Variants in VCAN observed in about 807,000 individuals in gnomAD.
VCAN encodes versican core protein.
Under a neutral mutation model 245.5 loss-of-function variants are expected in VCAN, and 44 were observed. The ratio of observed to expected loss-of-function variants is 0.18; its 90% CI spans 0.14 to 0.23. The LOEUF (loss-of-function observed/expected upper bound fraction) is 0.23, where lower values mean the gene tolerates loss of function less well. Among genes scored for constraint, VCAN ranks in the 10% least tolerant of loss-of-function variants. The pLI is 1.00. For synonymous variants in VCAN, 1,413 were observed against 1,437.0 expected (o/e 0.98, Z 0.38); for missense variants, 3,793 against 4,057.9 (o/e 0.93, Z 1.77).
rs907981924 is a variant in VCAN, at chr5:83,581,260, A to G, written c.*826A>G. The stretch of plus-strand genomic sequence containing the variant: ...AACTCATAAGGTTACCGATCAATGC[A>G]TTTCATACGGATATAGACCTAGGGC... On this transcript the variant is annotated 3_prime_UTR_variant, in exon 15 of 15. Coordinates refer to ENST00000265077, the MANE Select transcript of VCAN (RefSeq NM_004385.5). 1.3e-5 allele frequency: 2 copies of G among 148,548 alleles called. No homozygotes were observed. The highest frequency in any genetic ancestry group is 2.5e-5 in the African/African-American group (1 of 39,628). 9.2% of individuals were successfully genotyped at this position (148,548 alleles called of 1,614,324 possible).
At chr5:83,565,017 TAGAG>T (rs933752857) in intron 12 of VCAN, among the ~76,000 whole-genome samples, 1 of 152,152 alleles carries the variant, frequency 6.6e-6, no homozygotes, top group African/African-American at 2.4e-5. Context: ...TATGGATAGA[TAGAG>T]AGAGAGAGTT....
At chr5:83,568,670 T>C (rs1443989769) in intron 12 of VCAN, among the ~76,000 whole-genome samples, 2 of 152,136 alleles carry the variant, frequency 1.3e-5, no homozygotes, top group African/African-American at 4.8e-5. Context: ...TAAGATTAGA[T>C]TTAAAAAGGG....
Position 83,539,959 on chromosome 5 carries a change from ACAT to A in VCAN, c.6958_6960del (p.Ile2320del). On this transcript the variant is annotated inframe_deletion, in exon 8 of 15. Coordinates refer to ENST00000265077, the MANE Select transcript of VCAN (RefSeq NM_004385.5). ...GTTGGACCACTCGTATCTCAAACAG[ACAT>A]CTTTGAAGGTAGTGGGTCAGTAACC... The A allele has an allele frequency of 6.2e-7, 1 of 1,614,138 alleles. No individual in the cohort carries two copies. The highest frequency in any genetic ancestry group is 8.5e-7 in the Non-Finnish European group (1 of 1,180,000).
At chr5:83,536,937 C>A in intron 7 of VCAN, 70 bp from the exon 8 acceptor site, 1 of 1,352,270 alleles carries the variant, frequency 7.4e-7, no homozygotes, top group South Asian at 1.5e-5. Flanking sequence ...ACCAGCCTTG[C>A]TATCAATTTC....
intron 1 of VCAN, among the ~76,000 whole-genome samples, chr5:83,472,560 C>T (rs1308634426): frequency 6.6e-6 from 1 of 152,202 alleles, no homozygotes; most frequent in Non-Finnish European, 1.5e-5. Flanking sequence ...CGGGCAGCTC[C>T]TGACAGTGCG....
At chr5:83,516,162 C>T (rs1292965328) in intron 6 of VCAN, among the ~76,000 whole-genome samples, 2 of 152,124 alleles carry the variant, frequency 1.3e-5, no homozygotes, top group East Asian at 3.9e-4. Flanking sequence ...CTATCCCTAG[C>T]CTGTAGTCCC....
rs780870136 is a variant in VCAN, at chr5:83,572,504, A to C, written c.9824A>C (p.Gln3275Pro). Residue 3275 changes from glutamine (Q) to proline (P), a missense_variant, in exon 13 of 15, where the codon CAG becomes CCG. Gln to Pro is a moderately conservative substitution (Grantham distance 76). Transcript: ENST00000265077. Reference protein sequence around the residue: ...CVVIIWHENGQWNDVPCNYHL... With the variant: ...CVVIIWHENGPWNDVPCNYHL... ...GTAATCATTTGGCATGAGAATGGCC[A>C]GTGGAATGATGTTCCCTGCAATTAC... The C allele has an allele frequency of 6.2e-7, 1 of 1,613,956 alleles. No individual in the cohort carries two copies. The highest frequency in any genetic ancestry group is 1.7e-5 in the Admixed American group (1 of 60,004).
At position 83,521,056 on chromosome 5, in the gene VCAN, A is replaced by G. The variant is rs746327283; in HGVS notation, c.2750A>G (p.Tyr917Cys). The change falls in exon 7 of 15, where the codon TAT becomes TGT. Residue 917 changes from tyrosine to cysteine, a missense_variant. Transcript: ENST00000265077. Reference sequence around the variant, plus strand: ...ATCACAAGCACTGAAGGCCAAGTTTATGCAACCATGGAAGGAAGTGCTTTG... The same window carrying G: ...ATCACAAGCACTGAAGGCCAAGTTTGTGCAACCATGGAAGGAAGTGCTTTG... ...PPITSTEGQV[Y>C]ATMEGSALGE... The G allele has an allele frequency of 6.2e-7, 1 of 1,614,122 alleles. No individual in the cohort carries two copies. The highest frequency in any genetic ancestry group is 1.1e-5 in the South Asian group (1 of 91,070).
Position 83,554,033 on chromosome 5 carries a change from T to C in VCAN, c.9652+511T>C, listed in dbSNP as rs114805261. Among the ~76,000 whole-genome samples the C allele has an allele frequency of 6.8e-3, 1,031 of 152,338 alleles. 14 individuals carry two copies. The highest frequency in any genetic ancestry group is 0.024 in the African/African-American group (992 of 41,568). ...ATATTTTAAATTGTGGAAAGTGAGC[T>C]ACATCCTAAGAACTTGAATAGGTGG... is the stretch of plus-strand genomic sequence containing the variant. On this transcript the variant is annotated intron_variant, in intron 11 of 14. Coordinates refer to ENST00000265077, the MANE Select transcript of VCAN (RefSeq NM_004385.5).
chr5:83,537,900 A>G lies in VCAN; in HGVS notation c.4897A>G (p.Ser1633Gly). 6.2e-7 allele frequency: 1 copy of G among 1,613,982 alleles called. No individual in the cohort carries two copies. The highest frequency in any genetic ancestry group is 1.1e-5 in the South Asian group (1 of 91,088). The change falls in exon 8 of 15, where the codon AGT becomes GGT. Residue 1633 changes from serine (S) to glycine (G), a missense_variant. Transcript: ENST00000265077. The part of the protein sequence containing the change: ...TPRQVVELSG[S>G]SSIPITEGSG... ...TAGACAAGTTGTAGAGCTCTCAGGG[A>G]GTTCTTCGATTCCAATTACAGAAGG...
intron 12 of VCAN, among the ~76,000 whole-genome samples, chr5:83,567,285 C>T (rs1748118040): frequency 6.6e-6 from 1 of 151,746 alleles, no homozygotes; most frequent in Admixed American, 6.6e-5. Flanking sequence ...TCCTCTACAT[C>T]AACTATTTGC....
chr5:83,536,134 A>C (rs1338336275), intron 7 of VCAN: 1 of 152,178 alleles, frequency 6.6e-6, no homozygotes, highest in African/African-American at 2.4e-5. Context: ...CTGATGATAC[A>C]TACTTTTCGA....
At chr5:83,550,708 G>A (rs1031628702) in intron 10 of VCAN, among the ~76,000 whole-genome samples, 12 of 151,978 alleles carry the variant, frequency 7.9e-5, no homozygotes, top group South Asian at 2.1e-4. Context: ...CCAACATGGC[G>A]AAACCCCATC....
Position 83,580,104 on chromosome 5 carries a change from A to G in VCAN, c.10005A>G (p.Pro3335=), listed in dbSNP as rs1748615841. The part of the protein sequence containing the change: ...CKDGFIQRHL[P]TIRCLGNGRW... The stretch of plus-strand genomic sequence containing the variant: ...ATGGTTTCATTCAACGTCACCTTCC[A>G]ACTATCCGGTGCTTAGGAAATGGAA... The change falls in exon 14 of 15, where the codon CCA becomes CCG. Residue 3335 remains proline, a synonymous_variant. Coordinates refer to ENST00000265077, the MANE Select transcript of VCAN (RefSeq NM_004385.5). The G allele has an allele frequency of 1.9e-6, 3 of 1,614,068 alleles. No homozygotes were observed. The highest frequency in any genetic ancestry group is 1.6e-4 in the Middle Eastern group (1 of 6,062).
intron 5 of VCAN, among the ~76,000 whole-genome samples, chr5:83,505,779 GC>G (rs1745464660): frequency 6.6e-6 from 1 of 152,160 alleles, no homozygotes; most frequent in Non-Finnish European, 1.5e-5. Context: ...CTCCATGAGG[GC>G]CCCACCCCTA....
intron 13 of VCAN, among the ~76,000 whole-genome samples, chr5:83,574,081 G>A (rs765768401): frequency 6.0e-4 from 92 of 152,298 alleles, no homozygotes; most frequent in Non-Finnish European, 1.1e-3. Context: ...AGGCTAGTGA[G>A]CCTGGAGTTC....
intron 13 of VCAN, among the ~76,000 whole-genome samples, chr5:83,578,426 C>T (rs1342781370): frequency 2.0e-5 from 3 of 151,688 alleles, no homozygotes; most frequent in Non-Finnish European, 4.4e-5. Flanking sequence ...AAAACAAACC[C>T]CTGTGACATG....
rs377581467 is a variant in VCAN, at chr5:83,547,888, A to G, written c.9380-83A>G. On this transcript the variant is annotated intron_variant, in intron 9 of 14. Coordinates refer to ENST00000265077, the MANE Select transcript of VCAN (RefSeq NM_004385.5). ...ATTCAAATTTAACTGGCTGTCTTGT[A>G]TGTTATCTTGCAACCTCACACTAAA... 110 of 820,834 alleles carry G rather than the reference A, an allele frequency of 1.3e-4. 1 individual carries two copies. In the African/African-American group the frequency reaches 1.5e-3, roughly 11 times the overall value. 50.8% of individuals were successfully genotyped at this position (820,834 alleles called of 1,614,324 possible).
In VCAN at chr5:83,539,098, A is replaced by C. The variant is rs1416467538; in HGVS notation, c.6095A>C (p.Lys2032Thr). 1.2e-6 allele frequency: 2 copies of C among 1,613,830 alleles called. No individual in the cohort carries two copies. The highest frequency in any genetic ancestry group is 1.7e-6 in the Non-Finnish European group (2 of 1,179,968). The part of the protein sequence containing the change: ...VVPVLPSAVQ[K>T]FSGTASSIID... The stretch of plus-strand genomic sequence containing the variant: ...CCAGTGCTTCCCAGTGCTGTGCAAA[A>C]GTTTTCTGGTACAGCTTCCTCCATT... The change falls in exon 8 of 15, where the codon AAG becomes ACG. Residue 2032 changes from lysine to threonine, a missense_variant. Physicochemically the swap from Lys to Thr is moderately conservative, Grantham distance 78 (BLOSUM62 -1). Around this residue, in one of 5 missense-constraint regions of VCAN, gnomAD observed 3,182 missense variants for 3,250.3 expected, o/e 0.98. Coordinates refer to ENST00000265077, the MANE Select transcript of VCAN (RefSeq NM_004385.5).
Sources: allele counts gnomAD v4.1 joint callset (sites outside exome capture counted in the v4.1 genomes callset), GRCh38; gene constraint gnomAD v4.1.1; regional missense constraint gnomAD v4.1.1; transcripts MANE v1.5; gene names NCBI Gene and HGNC (gene_info 2026-07-23, HGNC 2026-07-21).